The following ZNF185 variants were observed in gnomAD, a reference collection of about 807,000 sequenced individuals.
ZNF185 encodes the protein zinc finger protein 185.
A neutral mutation model predicts 58.6 loss-of-function variants in ZNF185; 56 were observed. The observed-to-expected ratio is 0.95, with a 90% CI of 0.77 to 1.19. The LOEUF (loss-of-function observed/expected upper bound fraction) is 1.19. Among genes scored for constraint, ZNF185 ranks in the 50% most tolerant of loss-of-function variants. The pLI is 0.00. For missense variants in ZNF185, 627 were observed against 573.5 expected (o/e 1.09, Z -0.95); for synonymous variants, 230 against 215.9 (o/e 1.07, Z -0.57).
intron 22 of ZNF185, 78 bp downstream of exon 24, chrX:152,970,619 G>T (rs973527953): frequency 2.2e-6 from 2 of 908,448 alleles, no homozygotes; most frequent in South Asian, 2.2e-5. Context: ...CTCTCCTGGA[G>T]TCTCAGCCCC....
chrX:152,910,172 T>A (rs1454544800), upstream of ZNF185, among the ~76,000 whole-genome samples: 1 of 111,456 alleles, frequency 9.0e-6, no homozygotes, highest in Non-Finnish European at 1.9e-5. Flanking sequence ...CCTCCCACAA[T>A]GCTGGGATTA....
intron 15 of ZNF185, among the ~76,000 whole-genome samples, chrX:152,939,163 T>C (rs968616743): frequency 8.9e-6 from 1 of 112,219 alleles, no homozygotes; most frequent in Admixed American, 9.4e-5. Flanking sequence ...TGAATGCATG[T>C]TTGCATTTTC....
At position 152,962,511 on chromosome X, in the gene ZNF185, C is replaced by T. The variant is rs1363235052; in HGVS notation, c.1608-1328C>T. 2.7e-5 allele frequency among the ~76,000 whole-genome samples: 3 copies of T among 112,123 alleles called. No homozygotes were observed. The East Asian group carries it at 8.4e-4, about 31-fold the overall frequency. On this transcript the variant is annotated intron_variant, in intron 17 of 22. Coordinates refer to ENST00000449285, the Ensembl canonical transcript of ZNF185. ...GTTCAGTCAGTAGGAGGTCTTCCTT[C>T]CTTCCTCTTAGAATCAATCCTTTTC... is the stretch of plus-strand genomic sequence containing the variant.
chrX:152,939,886 G>A lies in ZNF185; in HGVS notation c.1211+1723G>A, dbSNP rs782321956. Among the ~76,000 whole-genome samples, 22 of 100,238 alleles carry A rather than the reference G, an allele frequency of 2.2e-4. No homozygotes were observed. In the South Asian group the frequency reaches 6.8e-3, roughly 31 times the overall value. 87.0% of individuals were successfully genotyped at this position (100,238 alleles called of 115,157 possible). On this transcript the variant is annotated intron_variant, in intron 15 of 22. Coordinates refer to ENST00000449285, the Ensembl canonical transcript of ZNF185. The stretch of plus-strand genomic sequence containing the variant: ...CAACCTCTGCCTCCTGGGTTCAAAC[G>A]ATTCTCCTGCCTCAGCCTCCTAAGT...
exon 20 of ZNF185, chrX:152,967,198 G>C: frequency 8.3e-7 from 1 of 1,211,565 alleles, no homozygotes. Flanking sequence ...ATTCGCCATG[G>C]AGAAGAAGCC....
At chrX:152,914,565 C>A in intron 1 of ZNF185, 42 bp downstream of exon 2, 1 of 1,153,345 alleles carries the variant, frequency 8.7e-7, no homozygotes, top group Non-Finnish European at 1.2e-6. Flanking sequence ...CTGTTTGGGG[C>A]TGTTTGCTTC....
chrX:152,941,664 C>T (rs2047200610), intron 15 of ZNF185: 2 of 1,161,313 alleles, frequency 1.7e-6, no homozygotes, highest in Non-Finnish European at 2.3e-6. Context: ...GCCCCGAACT[C>T]GGTCGCAGTG....
At chrX:152,928,503 C>A in intron 11 of ZNF185, 72 bp from the exon 13 acceptor site, 2 of 1,095,555 alleles carry the variant, frequency 1.8e-6, no homozygotes, top group Non-Finnish European at 2.5e-6. Context: ...GGCGGCCCAC[C>A]GCACTCACCA....
At chrX:152,918,344 A>G (rs1278055648) in intron 6 of ZNF185, among the ~76,000 whole-genome samples, 190 bp downstream of exon 7, 1 of 113,051 alleles carries the variant, frequency 8.8e-6, no homozygotes, top group Non-Finnish European at 1.9e-5. Flanking sequence ...AGAAAACTGG[A>G]TGGCTGTGCA....
chrX:152,914,449 C>T, exon 1 of ZNF185: 1 of 1,135,828 alleles, frequency 8.8e-7, no homozygotes, highest in Non-Finnish European at 1.2e-6. Flanking sequence ...CCCCAGAAGC[C>T]CTGCTGAATC....
At chrX:152,898,638 CTG>C in the ZNF185 span, among the ~76,000 whole-genome samples, 2 of 112,660 alleles carry the variant, frequency 1.8e-5, no homozygotes, top group Admixed American at 1.9e-4. Flanking sequence ...GATGAGGAAA[CTG>C]AGACCCAGAG....
intron 20 of ZNF185, among the ~76,000 whole-genome samples, chrX:152,967,666 C>T (rs2050249182): frequency 8.9e-6 from 1 of 112,238 alleles, no homozygotes; most frequent in East Asian, 2.8e-4. Flanking sequence ...CAGAAAGACA[C>T]ACAAAGCCAA....
At chrX:152,963,989 G>A (rs5925265) in intron 18 of ZNF185, 40 bp downstream of exon 20, 97,699 of 1,144,833 alleles carry the variant, frequency 0.085, 3,232 homozygotes, top group Non-Finnish European at 0.099. Flanking sequence ...ATGTTCCTCC[G>A]CCACTTCCTC....
the ZNF185 span, among the ~76,000 whole-genome samples, chrX:152,903,411 A>AAG: frequency 1.7e-4 from 18 of 106,853 alleles, no homozygotes; most frequent in African/African-American, 6.2e-4. Context: ...AAAAAAAAAA[A>AAG]AAAAGAAAAG....
chrX:152,927,755 C>G (rs1556873772), intron 11 of ZNF185, among the ~76,000 whole-genome samples: 4 of 112,509 alleles, frequency 3.6e-5, no homozygotes. Flanking sequence ...CTGCCTGACC[C>G]TGCTGGGCCC....
At position 152,922,675 on chromosome X, in the gene ZNF185, G is replaced by A. The variant is rs1289203192; in HGVS notation, c.741-45G>A. The A allele has an allele frequency of 8.0e-6, 9 of 1,119,137 alleles. No homozygotes were observed. The Admixed American group carries it at 2.1e-4, about 26-fold the overall frequency. The allele number at this position is 1,119,137 out of a possible 1,213,427, so 92.2% of individuals were successfully genotyped here. On this transcript the variant is annotated intron_variant, in intron 10 of 22. Coordinates refer to ENST00000449285, the Ensembl canonical transcript of ZNF185. ...CCACATTCAGCATGCCCAGGGAGGA[G>A]GCTCTGACATCTCCAGAGCCTCTCA... is the stretch of plus-strand genomic sequence containing the variant.
the ZNF185 span, among the ~76,000 whole-genome samples, chrX:152,909,328 A>G: frequency 2.7e-5 from 3 of 112,139 alleles, no homozygotes; most frequent in Non-Finnish European, 5.6e-5. Context: ...TCCACACCTG[A>G]GCCATAACCG....
At chrX:152,944,209 T>C (rs1410583507) in intron 15 of ZNF185, among the ~76,000 whole-genome samples, 1 of 113,021 alleles carries the variant, frequency 8.8e-6, no homozygotes, top group Non-Finnish European at 1.9e-5. Context: ...GGGCATACTT[T>C]CCAAAAAGTG....
rs187947253 is a variant in ZNF185, at chrX:152,943,187, G to C, written c.1212-2080G>C. Reference sequence around the variant, plus strand: ...ACCTGGCTTATTTTTGTAGAGAGGAGTTTTTGCCATGTTGCGCAGGCTGGT... The same window carrying C: ...ACCTGGCTTATTTTTGTAGAGAGGACTTTTTGCCATGTTGCGCAGGCTGGT... On this transcript the variant is annotated intron_variant, in intron 15 of 22. Coordinates refer to ENST00000449285, the Ensembl canonical transcript of ZNF185. Among the ~76,000 whole-genome samples, 56 of 110,918 alleles carry C rather than the reference G, an allele frequency of 5.0e-4. No individual in the cohort carries two copies. The Admixed American group carries it at 5.3e-3, about 11-fold the overall frequency.
Sources: gnomAD v4.1 joint callset for allele counts (sites outside exome capture counted in the v4.1 genomes callset) on GRCh38, gnomAD v4.1.1 for gene constraint, MANE v1.5 for transcripts, NCBI Gene and HGNC (gene_info 2026-07-23, HGNC 2026-07-21) for gene names.